The following ITIH6 variants were observed in gnomAD, a reference collection of about 807,000 sequenced individuals.
ITIH6 encodes the protein inter-alpha-trypsin inhibitor heavy chain H6.
A neutral mutation model predicts 58.2 loss-of-function variants in ITIH6; 60 were observed. That is an observed-to-expected ratio of 1.03 (90% CI 0.84 to 1.28). ITIH6 has a LOEUF of 1.28. ITIH6 is among the 50% of genes most tolerant of loss of function. The pLI, the probability that ITIH6 is intolerant of heterozygous loss-of-function variation, is 0.00. For missense variants in ITIH6, 1,290 were observed against 1,021.1 expected, an observed-to-expected ratio of 1.26 and a Z score of -3.59; for synonymous variants, 493 against 417.4, an observed-to-expected ratio of 1.18 and a Z score of -2.21.
chrX:54,794,199 AG>A lies in ITIH6; in HGVS notation c.258-2164del, dbSNP rs778118153. Among the ~76,000 whole-genome samples the A allele has an allele frequency of 1.5e-4, 16 of 109,048 alleles. No individual in the cohort carries two copies. In the South Asian group the frequency reaches 5.7e-3, roughly 39 times the overall value. 94.7% of individuals were successfully genotyped at this position (109,048 alleles called of 115,157 possible). Reference sequence around the variant, plus strand: ...CCTCCCCAAGGTCTCCTGGGGGGTGAGGGGGGTAGGGTGGAGCTGGTCTGGC... The same window carrying A: ...CCTCCCCAAGGTCTCCTGGGGGGTGAGGGGGTAGGGTGGAGCTGGTCTGGC... On this transcript the variant is annotated intron_variant, in intron 2 of 12. Coordinates refer to ENST00000218436, the MANE Select transcript of ITIH6 (RefSeq NM_198510.3).
chrX:54,758,992 TCTGTCC>T lies in ITIH6; in HGVS notation c.1076_1081del (p.Trp359_Asp361delinsTyr), dbSNP rs1186131601. 6 of 1,151,706 alleles carry T rather than the reference TCTGTCC, an allele frequency of 5.2e-6. No individual in the cohort carries two copies. In the African/African-American group the frequency reaches 9.0e-5, roughly 17 times the overall value. The allele number at this position is 1,151,706 out of a possible 1,213,427, so 94.9% of individuals were successfully genotyped here. On this transcript the variant is annotated inframe_deletion and splice_region_variant, in exon 8 of 13. Transcript: ENST00000218436. ...AGCTGCCAGCAGAGCTGAGTTGACG[TCTGTCC>T]CTAATTGGGGAATAGATTGTGAGAC...
chrX:54,758,824 G>A lies in ITIH6; in HGVS notation c.1250C>T (p.Ala417Val), dbSNP rs1569543916. ...GAAAAGGGATACCCTGTGGCCTAGC[G>A]CCTGACGGACATTGGAGAGGATCAC... ...PSVILSNVRQ[A>V]LGHRVSLFSL... is the part of the protein sequence containing the mutation. The change falls in exon 8 of 13, where the codon GCG (alanine) becomes GTG (valine). Residue 417 changes from alanine (A) to valine (V), a missense_variant. Coordinates refer to ENST00000218436, the MANE Select transcript of ITIH6 (RefSeq NM_198510.3). 3.3e-6 allele frequency: 4 copies of A among 1,211,369 alleles called. No homozygotes were observed. The highest frequency in any genetic ancestry group is 2.2e-5 in the Admixed American group (1 of 46,024).
chrX:54,769,564 A>T (rs1159174713), intron 6 of ITIH6, among the ~76,000 whole-genome samples: 47 of 106,245 alleles, frequency 4.4e-4, no homozygotes, highest in Admixed American at 1.8e-3. Context: ...TTCAGTGTGG[A>T]TGTCCTTTCT....
chrX:54,779,969 G>C (rs1246030070), intron 5 of ITIH6, among the ~76,000 whole-genome samples: 1 of 111,348 alleles, frequency 9.0e-6, no homozygotes, highest in Non-Finnish European at 1.9e-5. Flanking sequence ...TTTAGCAAGA[G>C]GATGTAACAA....
intron 6 of ITIH6, among the ~76,000 whole-genome samples, chrX:54,762,464 C>G (rs1928668733): frequency 9.0e-6 from 1 of 111,697 alleles, no homozygotes; most frequent in African/African-American, 3.3e-5. Context: ...TCTGCCTCAC[C>G]CTCCATTTCT....
At chrX:54,780,408 C>T (rs1450319479) in intron 5 of ITIH6, among the ~76,000 whole-genome samples, 1 of 112,038 alleles carries the variant, frequency 8.9e-6, no homozygotes, top group Non-Finnish European at 1.9e-5. Context: ...AAACAACATG[C>T]TCCTGAATGA....
At chrX:54,754,121 C>G (rs1017818396) in intron 9 of ITIH6, among the ~76,000 whole-genome samples, 156 bp from the exon 10 acceptor site, 2 of 112,161 alleles carry the variant, frequency 1.8e-5, no homozygotes, top group Non-Finnish European at 3.8e-5. Flanking sequence ...TCTTTGTGCT[C>G]TAGCCCAACC....
intron 6 of ITIH6, among the ~76,000 whole-genome samples, chrX:54,766,997 C>T (rs1041806876): frequency 6.4e-5 from 7 of 110,024 alleles, no homozygotes; most frequent in Middle Eastern, 4.7e-3. Flanking sequence ...TGGTAGAATT[C>T]GGCTATGAAT....
At chrX:54,792,380 G>A (rs184002238) in intron 2 of ITIH6, among the ~76,000 whole-genome samples, 184 of 111,554 alleles carry the variant, frequency 1.6e-3, no homozygotes, top group African/African-American at 5.2e-3. Flanking sequence ...CGATATAACC[G>A]AATATTTTTA....
intron 12 of ITIH6, 51 bp downstream of exon 12, chrX:54,750,952 C>A (rs1569543775): frequency 9.1e-7 from 1 of 1,096,521 alleles, no homozygotes. Flanking sequence ...CTGGCAGGGT[C>A]TTTTTGGTGG....
chrX:54,794,106 G>A (rs894537672), intron 2 of ITIH6, among the ~76,000 whole-genome samples: 1 of 110,633 alleles, frequency 9.0e-6, no homozygotes, highest in Admixed American at 9.6e-5. Flanking sequence ...CAGGGAAGAA[G>A]TGTTTCTAGG....
chrX:54,775,276 T>C (rs1929030848), intron 5 of ITIH6, among the ~76,000 whole-genome samples: 1 of 111,535 alleles, frequency 9.0e-6, no homozygotes, highest in Non-Finnish European at 1.9e-5. Flanking sequence ...ATCATGCTTA[T>C]CTTTCCCCGA....
intron 5 of ITIH6, among the ~76,000 whole-genome samples, chrX:54,784,540 A>C (rs1158929818): frequency 1.8e-5 from 2 of 112,404 alleles, no homozygotes; most frequent in Non-Finnish European, 3.8e-5. Context: ...AGATTTGAAT[A>C]GATATTTCTC....
intron 5 of ITIH6, among the ~76,000 whole-genome samples, chrX:54,782,418 A>AAATAAT (rs1023081354): frequency 3.1e-4 from 34 of 110,941 alleles, no homozygotes; most frequent in Non-Finnish European, 5.9e-4. Context: ...CTCTGTCTCA[A>AAATAAT]AATAATAATA....
At position 54,759,155 on chromosome X, in the gene ITIH6, C is replaced by A. The variant is rs944593069; in HGVS notation, c.1076-157G>T. Among the ~76,000 whole-genome samples the A allele has an allele frequency of 3.6e-5, 4 of 111,820 alleles. No individual in the cohort carries two copies. In the Admixed American group the frequency reaches 3.8e-4, roughly 11 times the overall value. On this transcript the variant is annotated intron_variant, in intron 7 of 12. Coordinates refer to ENST00000218436, the MANE Select transcript of ITIH6 (RefSeq NM_198510.3). ...CCTTCCCAACTTCTCCACTCCCACC[C>A]AGACTTGCTGAGATCTGACATTGGG...
intron 2 of ITIH6, among the ~76,000 whole-genome samples, chrX:54,792,727 C>A (rs1164725714): frequency 9.0e-6 from 1 of 111,456 alleles, no homozygotes; most frequent in Non-Finnish European, 1.9e-5. Context: ...CTCCCCATTT[C>A]TCTAAGGAAG....
chrX:54,757,650 T>A lies in ITIH6; in HGVS notation c.2424A>T (p.Ser808=), dbSNP rs1221561943. 8.3e-7 allele frequency: 1 copy of A among 1,208,529 alleles called. No homozygotes were observed. Among genetic ancestry groups the A allele is most frequent in the Non-Finnish European group, 1.1e-6 (1 of 894,743 alleles). ...TSQAPKGLPQ[S]RPGVSTLQVP... ...CCTGAAGTGTAGAGACTCCAGGTCT[T>A]GACTGTGGCAGGCCTTTAGGTGCCT... Residue 808 remains serine, a synonymous_variant, in exon 8 of 13, where the codon TCA becomes TCT. Coordinates refer to ENST00000218436, the MANE Select transcript of ITIH6 (RefSeq NM_198510.3).
At chrX:54,750,258 G>A (rs1243087001) in intron 12 of ITIH6, 152 bp from the exon 13 acceptor site, 2 of 470,499 alleles carry the variant, frequency 4.3e-6, no homozygotes, top group African/African-American at 4.9e-5. Flanking sequence ...GGCATTGTGG[G>A]AACTGTACAG....
Position 54,749,668 on chromosome X carries a change from G to A in ITIH6, c.*227C>T, listed in dbSNP as rs1928310365. 1.4e-5 allele frequency: 5 copies of A among 359,295 alleles called. No homozygotes were observed. In the East Asian group the frequency reaches 2.2e-4, roughly 16 times the overall value. The allele number at this position is 359,295 out of a possible 1,213,427, so 29.6% of individuals were successfully genotyped here. A position where few individuals can be genotyped will look rare whatever the true frequency, so the allele number is the denominator to read the frequency against. On this transcript the variant is annotated 3_prime_UTR_variant, in exon 13 of 13. Coordinates refer to ENST00000218436, the MANE Select transcript of ITIH6 (RefSeq NM_198510.3). Reference sequence around the variant, plus strand: ...TGAGGAGCATGGATTTGGAGAGGGTGAGACTGGAGATGTGAAGGACCATGA... The same window carrying A: ...TGAGGAGCATGGATTTGGAGAGGGTAAGACTGGAGATGTGAAGGACCATGA...
Sources: allele counts gnomAD v4.1 joint callset (sites outside exome capture counted in the v4.1 genomes callset), GRCh38; gene constraint gnomAD v4.1.1; transcripts MANE v1.5; gene names NCBI Gene and HGNC (gene_info 2026-07-23, HGNC 2026-07-21).